The following ADAM12 variants were observed in gnomAD, a reference collection of about 807,000 sequenced individuals.
ADAM12 encodes disintegrin and metalloproteinase domain-containing protein 12.
In ADAM12, 70 loss-of-function variants were observed where a neutral mutation model predicts 106.4. The ratio of observed to expected loss-of-function variants is 0.66; its 90% CI spans 0.54 to 0.80. ADAM12 has a LOEUF of 0.80. ADAM12 is among the 30% of genes least tolerant of loss of function. ADAM12 has a pLI of 0.00. For synonymous variants in ADAM12, 420 were observed against 433.5 expected (o/e 0.97, Z 0.39); for missense variants, 1,010 against 1,171.9 (o/e 0.86, Z 2.02).
At chr10:126,099,379 T>C (rs1955616698) in intron 9 of ADAM12, among the ~76,000 whole-genome samples, 1 of 146,994 alleles carries the variant, frequency 6.8e-6, no homozygotes, top group Non-Finnish European at 1.5e-5. Flanking sequence ...CCTCCCTCTC[T>C]CCCTCCCTCT....
intron 2 of ADAM12, among the ~76,000 whole-genome samples, chr10:126,282,600 T>G (rs1187308165): frequency 3.3e-5 from 5 of 152,218 alleles, no homozygotes; most frequent in African/African-American, 1.2e-4. Flanking sequence ...TTTCTTTTAC[T>G]TAATCTTATA....
intron 3 of ADAM12, chr10:126,272,796 C>G (rs914657602): frequency 2.3e-5 from 8 of 344,132 alleles, no homozygotes; most frequent in Admixed American, 5.6e-5. Context: ...GGGAGCCCCT[C>G]AGGCTATGGT....
chr10:126,272,858 G>T, intron 3 of ADAM12: 1 of 404,972 alleles, frequency 2.5e-6, no homozygotes, highest in Non-Finnish European at 5.2e-6. Context: ...GGCTTCTACA[G>T]TGTGCTCCAG....
intron 14 of ADAM12, among the ~76,000 whole-genome samples, chr10:126,050,005 TGG>T (rs1954437962): frequency 2.8e-5 from 1 of 36,072 alleles, no homozygotes; most frequent in African/African-American, 1.3e-4. Context: ...GCTGGCTGGC[TGG>T]CTGGCTGGCT....
At chr10:126,312,677 T>G (rs1414252065) in intron 2 of ADAM12, among the ~76,000 whole-genome samples, 3 of 152,112 alleles carry the variant, frequency 2.0e-5, no homozygotes, top group Admixed American at 6.5e-5. Context: ...AAACATGATA[T>G]CAAGATTGTG....
At chr10:126,269,787 T>A (rs1279642076) in intron 3 of ADAM12, among the ~76,000 whole-genome samples, 2 of 152,196 alleles carry the variant, frequency 1.3e-5, no homozygotes, top group African/African-American at 4.8e-5. Context: ...CATCTCCATC[T>A]CAAATGCCCT....
At chr10:126,018,919 T>C (rs958518630) in intron 22 of ADAM12, among the ~76,000 whole-genome samples, 1 of 152,188 alleles carries the variant, frequency 6.6e-6, no homozygotes, top group Non-Finnish European at 1.5e-5. Context: ...TCTCAGGACC[T>C]CAGGAACTGG....
chr10:126,171,562 G>C (rs1256757248), intron 3 of ADAM12, among the ~76,000 whole-genome samples: 1 of 152,226 alleles, frequency 6.6e-6, no homozygotes, highest in African/African-American at 2.4e-5. Flanking sequence ...GCTAGAGTTA[G>C]CACCTTTTCC....
chr10:126,186,732 G>C (rs1957406401), intron 3 of ADAM12, among the ~76,000 whole-genome samples: 1 of 152,204 alleles, frequency 6.6e-6, no homozygotes, highest in Admixed American at 6.5e-5. Context: ...CAAGAGCAGA[G>C]AAGACCAATG....
At chr10:126,195,659 AAAC>A (rs956686352) in intron 3 of ADAM12, among the ~76,000 whole-genome samples, 1 of 152,210 alleles carries the variant, frequency 6.6e-6, no homozygotes, top group Non-Finnish European at 1.5e-5. Flanking sequence ...ACATATTTCA[AAAC>A]AACATGTATA....
intron 3 of ADAM12, among the ~76,000 whole-genome samples, chr10:126,182,457 C>T (rs1438844415): frequency 1.3e-5 from 2 of 152,206 alleles, no homozygotes; most frequent in Non-Finnish European, 2.9e-5. Flanking sequence ...GATGTGTTCA[C>T]TTATTTAATG....
At chr10:126,261,591 C>T (rs1035756535) in intron 3 of ADAM12, among the ~76,000 whole-genome samples, 8 of 152,072 alleles carry the variant, frequency 5.3e-5, no homozygotes, top group African/African-American at 9.7e-5. Flanking sequence ...GGGCAGGAAC[C>T]GTGTGTTATT....
chr10:126,317,429 T>TA (rs1056755497), intron 2 of ADAM12, among the ~76,000 whole-genome samples: 2 of 152,166 alleles, frequency 1.3e-5, no homozygotes, highest in African/African-American at 4.8e-5. Context: ...CTCTGCTGAG[T>TA]AAAAAGTGCA....
intron 22 of ADAM12, 136 bp from the exon 23 acceptor site, chr10:126,017,475 G>A (rs1953681216): frequency 3.9e-6 from 3 of 773,188 alleles, no homozygotes; most frequent in Admixed American, 3.0e-5. Context: ...CCCTCATAAC[G>A]GGGGTGGGAA....
At chr10:126,153,633 T>C (rs1272634539) in intron 4 of ADAM12, among the ~76,000 whole-genome samples, 1 of 152,244 alleles carries the variant, frequency 6.6e-6, no homozygotes, top group Non-Finnish European at 1.5e-5. Context: ...TCTTGTCTGC[T>C]GATGCTTGCG....
rs192072168 is a variant in ADAM12 at position 126,240,511 on chromosome 10, G to T, written c.260+38404C>A. On this transcript the variant is annotated intron_variant, in intron 3 of 22. Transcript: ENST00000448723. Reference sequence around the variant, plus strand: ...ATAAATGAGGAGATGCAGTTTAAAGGGAAAGAAAGAAAATGCTAGGAAAGA... The same window carrying T: ...ATAAATGAGGAGATGCAGTTTAAAGTGAAAGAAAGAAAATGCTAGGAAAGA... Among the ~76,000 whole-genome samples the T allele has an allele frequency of 2.2e-4, 34 of 152,316 alleles. No homozygotes were observed. The East Asian group carries it at 3.9e-3, about 17-fold the overall frequency.
At chr10:126,379,357 A>G (rs1856410961) in intron 1 of ADAM12, among the ~76,000 whole-genome samples, 1 of 152,252 alleles carries the variant, frequency 6.6e-6, no homozygotes, top group South Asian at 2.1e-4. Flanking sequence ...AATACTATGC[A>G]GCCATGAAAA....
chr10:126,059,573 G>T (rs1954707551), intron 14 of ADAM12, among the ~76,000 whole-genome samples: 1 of 152,126 alleles, frequency 6.6e-6, no homozygotes, highest in Non-Finnish European at 1.5e-5. Context: ...ATTCATAAAT[G>T]CACTGCCCCA....
chr10:126,154,035 C>T (rs1188752261), intron 4 of ADAM12, among the ~76,000 whole-genome samples: 1 of 152,202 alleles, frequency 6.6e-6, no homozygotes, highest in East Asian at 1.9e-4. Flanking sequence ...TTCTTTTTGT[C>T]TCTTTTTCAC....
Sources: allele counts gnomAD v4.1 joint callset (sites outside exome capture counted in the v4.1 genomes callset), GRCh38; gene constraint gnomAD v4.1.1; transcripts MANE v1.5; gene names NCBI Gene and HGNC (gene_info 2026-07-23, HGNC 2026-07-21).